SFMBT2: variants seen among roughly 807,000 people sequenced by gnomAD.
SFMBT2 encodes the protein Scm like with four mbt domains 2.
SFMBT2 carries 38 observed loss-of-function variants against 110.1 expected under a neutral mutation model. The observed-to-expected ratio is 0.35, with a 90% confidence interval of 0.27 to 0.45. The LOEUF (loss-of-function observed/expected upper bound fraction) is 0.45, where lower values mean the gene tolerates loss of function less well. Ranked by LOEUF, SFMBT2 falls within the 20% of genes least tolerant of loss-of-function variation. SFMBT2 has a pLI of 1.00. For missense variants in SFMBT2, 1,011 were observed against 1,094.9 expected (o/e 0.92, Z 1.08); for synonymous variants, 425 against 425.4 (o/e 1.00, Z 0.01).
chr10:7,266,576 C>T (rs1021751119), intron 7 of SFMBT2, among the ~76,000 whole-genome samples: 2 of 152,148 alleles, frequency 1.3e-5, no homozygotes, highest in Non-Finnish European at 2.9e-5. Context: ...CAGCATCAGG[C>T]GACTGGACCC....
At chr10:7,398,012 C>A (rs1003297409) in intron 1 of SFMBT2, among the ~76,000 whole-genome samples, 1 of 152,204 alleles carries the variant, frequency 6.6e-6, no homozygotes, top group African/African-American at 2.4e-5. Flanking sequence ...ATTAGGACAG[C>A]AATTTACTCA....
At chr10:7,407,557 G>T (rs1038098014) in intron 1 of SFMBT2, among the ~76,000 whole-genome samples, 6 of 152,224 alleles carry the variant, frequency 3.9e-5, no homozygotes, top group Admixed American at 3.3e-4. Flanking sequence ...CCCCAAACCC[G>T]GCTCGGTTCG....
rs1259552399 is a variant in SFMBT2, at chr10:7,160,937, C to A, written c.*2833G>T. ...AATCTTTCTGGGCTCTCCTCAAGGA[C>A]CGGAGAGATGGCACAGAGACAACTT... On this transcript the variant is annotated 3_prime_UTR_variant, in exon 21 of 21. Coordinates refer to ENST00000397167, the MANE Select transcript of SFMBT2 (RefSeq NM_001387889.1). 1 of 152,244 alleles carries A rather than the reference C, an allele frequency of 6.6e-6. No individual in the cohort carries two copies. Among genetic ancestry groups the A allele is most frequent in the Non-Finnish European group, 1.5e-5 (1 of 68,076 alleles). 9.4% of individuals were successfully genotyped at this position (152,244 alleles called of 1,614,324 possible).
chr10:7,395,782 T>C (rs1038113206), intron 1 of SFMBT2, among the ~76,000 whole-genome samples: 7 of 152,242 alleles, frequency 4.6e-5, no homozygotes, highest in African/African-American at 1.7e-4. Flanking sequence ...AAATTTTCTA[T>C]TATATCCCTA....
chr10:7,378,867 G>C (rs908363314), intron 2 of SFMBT2, among the ~76,000 whole-genome samples: 8 of 151,870 alleles, frequency 5.3e-5, no homozygotes, highest in Admixed American at 3.9e-4. Flanking sequence ...GGGATTTCCT[G>C]ATGACTCATC....
chr10:7,270,678 C>A (rs1841551631), intron 7 of SFMBT2, among the ~76,000 whole-genome samples: 1 of 152,132 alleles, frequency 6.6e-6, no homozygotes, highest in African/African-American at 2.4e-5. Context: ...CTTAATTATG[C>A]ACAAAATACT....
intron 4 of SFMBT2, among the ~76,000 whole-genome samples, chr10:7,330,942 T>C (rs1285519688): frequency 6.6e-6 from 1 of 152,208 alleles, no homozygotes; most frequent in Non-Finnish European, 1.5e-5. Flanking sequence ...CAGTTTGCGG[T>C]CATCTTCAAG....
chr10:7,308,725 C>T (rs983701728), intron 4 of SFMBT2, among the ~76,000 whole-genome samples: 4 of 152,132 alleles, frequency 2.6e-5, no homozygotes, highest in East Asian at 1.9e-4. Context: ...AAAACATTAA[C>T]GTGCTGGGGA....
At position 7,171,093 on chromosome 10, in the gene SFMBT2, C is replaced by T. The variant is rs192259966; in HGVS notation, c.2416-37G>A. 6.8e-5 allele frequency: 109 copies of T among 1,613,352 alleles called. No homozygotes were observed. In the African/African-American group the frequency reaches 1.0e-3, roughly 15 times the overall value. On this transcript the variant is annotated intron_variant, in intron 19 of 20. Coordinates refer to ENST00000397167, the MANE Select transcript of SFMBT2 (RefSeq NM_001387889.1). This position sits in a 1 kb window ranked among gnomAD's most constrained non-coding sequence, Gnocchi z 4.9. ...GGGCAGGAGGAGCTCAGCTGCGGCACAGTCAGCTGGCTGGGTCCTCTCCAG... is the reference window on the plus strand; with the variant it reads ...GGGCAGGAGGAGCTCAGCTGCGGCATAGTCAGCTGGCTGGGTCCTCTCCAG...
At chr10:7,281,560 C>G (rs780629941) in intron 6 of SFMBT2, among the ~76,000 whole-genome samples, 2 of 152,198 alleles carry the variant, frequency 1.3e-5, no homozygotes, top group African/African-American at 4.8e-5. Context: ...TCACACAAGT[C>G]ACCGTGGGAC....
chr10:7,358,533 G>A lies in SFMBT2; in HGVS notation c.436+9116C>T, dbSNP rs150363736. Among the ~76,000 whole-genome samples, 1,056 of 144,636 alleles carry A rather than the reference G, an allele frequency of 7.3e-3. 8 individuals carry two copies. The highest frequency in any genetic ancestry group is 0.054 in the Middle Eastern group (13 of 240). 94.9% of individuals were successfully genotyped at this position (144,636 alleles called of 152,430 possible). A position where few individuals can be genotyped will look rare whatever the true frequency, so the allele number is the denominator to read the frequency against. Reference sequence around the variant, plus strand: ...TGGCCCTGGAACAGAGGCATGGCCCGAGAACATCTGTATGGCCATGGAAGG... The same window carrying A: ...TGGCCCTGGAACAGAGGCATGGCCCAAGAACATCTGTATGGCCATGGAAGG... On this transcript the variant is annotated intron_variant, in intron 4 of 20. Transcript: ENST00000397167.
At chr10:7,407,530 T>C (rs1042030192) in intron 1 of SFMBT2, among the ~76,000 whole-genome samples, 3 of 151,902 alleles carry the variant, frequency 2.0e-5, no homozygotes, top group Non-Finnish European at 4.4e-5. Context: ...CTGGGGTTGG[T>C]GCGCGGGGCC....
chr10:7,298,398 T>C (rs1213802863), intron 4 of SFMBT2, among the ~76,000 whole-genome samples: 1 of 152,194 alleles, frequency 6.6e-6, no homozygotes, highest in African/African-American at 2.4e-5. Context: ...ACATGTGAAC[T>C]GCTGGAATGT....
intron 12 of SFMBT2, chr10:7,203,994 G>C (rs571859025): frequency 1.0e-4 from 24 of 231,178 alleles, no homozygotes; most frequent in Middle Eastern, 2.2e-3. Context: ...TGAGATTATA[G>C]ACGTGAGCCA....
At chr10:7,313,598 C>T (rs141283278) in intron 4 of SFMBT2, among the ~76,000 whole-genome samples, 68 of 152,304 alleles carry the variant, frequency 4.5e-4, no homozygotes, top group African/African-American at 1.5e-3. Flanking sequence ...CATGAGCTAC[C>T]GCACCCAGCC....
Position 7,409,876 on chromosome 10 carries a change from C to G in SFMBT2, c.-52+985G>C, listed in dbSNP as rs143633363. On this transcript the variant is annotated intron_variant, in intron 1 of 20. Coordinates refer to ENST00000397167, the MANE Select transcript of SFMBT2 (RefSeq NM_001387889.1). ...CAGTTGTGGCGCTTCCAAGAAAACA[C>G]GAGTACGGATCAGGCTCTGGATGAG... 1.2e-4 allele frequency among the ~76,000 whole-genome samples: 19 copies of G among 152,158 alleles called. No individual in the cohort carries two copies. In the East Asian group the frequency reaches 3.3e-3, roughly 26 times the overall value.
rs114909769 is a variant in SFMBT2 at position 7,338,290 on chromosome 10, A to G, written c.436+29359T>C. Among the ~76,000 whole-genome samples the G allele has an allele frequency of 1.1e-3, 169 of 152,300 alleles. 1 individual carries two copies. Among genetic ancestry groups the G allele is most frequent in the African/African-American group, 3.8e-3 (159 of 41,564 alleles). ...TGTGCATGAACTTCACTGGAATTAC[A>G]ATTGACCCTGTAAAACTGAAATTCT... On this transcript the variant is annotated intron_variant, in intron 4 of 20. Coordinates refer to ENST00000397167, the MANE Select transcript of SFMBT2 (RefSeq NM_001387889.1).
intron 9 of SFMBT2, among the ~76,000 whole-genome samples, chr10:7,239,802 A>G (rs1404820604): frequency 1.3e-5 from 2 of 152,208 alleles, no homozygotes; most frequent in African/African-American, 2.4e-5. Context: ...AACATTACAA[A>G]ACATCAGCAA....
At position 7,165,805 on chromosome 10, in the gene SFMBT2, C is replaced by T. The variant is rs141023396; in HGVS notation, c.2545-1895G>A. Among the ~76,000 whole-genome samples, 82 of 152,346 alleles carry T rather than the reference C, an allele frequency of 5.4e-4. 1 individual carries two copies. The East Asian group carries it at 0.014, about 26-fold the overall frequency. On this transcript the variant is annotated intron_variant, in intron 20 of 20. Coordinates refer to ENST00000397167, the MANE Select transcript of SFMBT2 (RefSeq NM_001387889.1). The stretch of plus-strand genomic sequence containing the variant: ...TTTCCCTTGCTCTATAGTGCTCATA[C>T]ATGTTATTTTACTTTCTTTTCAGAT...
Sources: gnomAD v4.1 joint callset for allele counts (sites outside exome capture counted in the v4.1 genomes callset) on GRCh38, gnomAD v4.1.1 for gene constraint, Gnocchi (gnomAD v3.1) non-coding constraint, MANE v1.5 for transcripts, NCBI Gene and HGNC (gene_info 2026-07-23, HGNC 2026-07-21) for gene names.